RPS6KA2: variants seen among roughly 807,000 people sequenced by gnomAD.
The protein encoded by RPS6KA2 is ribosomal protein S6 kinase alpha-2.
A neutral mutation model predicts 91.8 loss-of-function variants in RPS6KA2; 42 were observed. That is an observed-to-expected ratio of 0.46 (90% confidence interval 0.36 to 0.59). The LOEUF is 0.59. Among genes scored for constraint, RPS6KA2 ranks in the 20% least tolerant of loss-of-function variants. The pLI is 0.00. For missense variants in RPS6KA2, 798 were observed against 978.5 expected (o/e 0.82, Z 2.46); for synonymous variants, 414 against 393.6 (o/e 1.05, Z -0.61).
chr6:166,721,055 G>A (rs1790157217), intron 2 of RPS6KA2, among the ~76,000 whole-genome samples: 1 of 152,178 alleles, frequency 6.6e-6, no homozygotes, highest in Admixed American at 6.5e-5. Context: ...TAACACCTGA[G>A]TTCACACAAG....
chr6:166,515,463 T>G (rs983487334), intron 3 of RPS6KA2, among the ~76,000 whole-genome samples: 2 of 152,182 alleles, frequency 1.3e-5, no homozygotes, highest in African/African-American at 4.8e-5. Flanking sequence ...CTTGAAAAAA[T>G]AGTTCCTGAT....
chr6:166,699,930 G>A (rs1402125424), intron 2 of RPS6KA2, among the ~76,000 whole-genome samples: 1 of 152,162 alleles, frequency 6.6e-6, no homozygotes, highest in African/African-American at 2.4e-5. Flanking sequence ...TGGCCACATG[G>A]AAATGTAGCC....
chr6:166,794,705 G>C (rs1374855298), intron 2 of RPS6KA2, among the ~76,000 whole-genome samples: 2 of 151,620 alleles, frequency 1.3e-5, no homozygotes, highest in Non-Finnish European at 2.9e-5. Context: ...GTCCTTTGTA[G>C]GGACATGGAT....
intron 2 of RPS6KA2, among the ~76,000 whole-genome samples, chr6:166,707,492 C>T (rs761559259): frequency 2.0e-5 from 3 of 152,102 alleles, no homozygotes; most frequent in Non-Finnish European, 2.9e-5. Flanking sequence ...GGGGAAGTGG[C>T]AGAGGAATGA....
chr6:166,851,792 A>G (rs904089752), intron 2 of RPS6KA2, among the ~76,000 whole-genome samples: 3 of 152,148 alleles, frequency 2.0e-5, no homozygotes, highest in Non-Finnish European at 2.9e-5. Flanking sequence ...AGAGCTATAC[A>G]CTGTCTTCAT....
intron 12 of RPS6KA2, among the ~76,000 whole-genome samples, chr6:166,456,937 A>C (rs2235288): frequency 0.055 from 8,316 of 152,312 alleles, 321 homozygotes; most frequent in African/African-American, 0.1. Flanking sequence ...ATTAAAATAC[A>C]ATGGAATTCT....
At chr6:166,715,564 G>A (rs1000932601) in intron 2 of RPS6KA2, among the ~76,000 whole-genome samples, 4 of 152,320 alleles carry the variant, frequency 2.6e-5, no homozygotes, top group African/African-American at 9.6e-5. Context: ...ACTTAACAAC[G>A]GGGATACGTT....
rs989596615 is a variant in RPS6KA2, at chr6:166,852,043, G to T, written c.123+6157C>A. 4.6e-5 allele frequency among the ~76,000 whole-genome samples: 7 copies of T among 152,174 alleles called. No homozygotes were observed. Among genetic ancestry groups the T allele is most frequent in the African/African-American group, 1.7e-4 (7 of 41,424 alleles). On this transcript the variant is annotated intron_variant, in intron 2 of 21. Coordinates refer to the RPS6KA2 transcript ENST00000503859. This position sits in a 1 kb window ranked among gnomAD's most constrained non-coding sequence, Gnocchi z 4.1. ...CAATGTTATTCTCACCCGCTCCACA[G>T]TGCGTCTAAACACAGATGGGCCTGC... is the stretch of plus-strand genomic sequence containing the variant.
intron 1 of RPS6KA2, among the ~76,000 whole-genome samples, chr6:166,618,716 C>T (rs562243692): frequency 1.4e-4 from 21 of 152,322 alleles, no homozygotes; most frequent in African/African-American, 4.3e-4. Context: ...GAGGGTAGGA[C>T]GAGCGTCTCA....
chr6:166,425,517 A>C (rs1778878242), intron 16 of RPS6KA2, among the ~76,000 whole-genome samples: 1 of 152,234 alleles, frequency 6.6e-6, no homozygotes, highest in African/African-American at 2.4e-5. Context: ...AATTGGATAG[A>C]GTGTCAAGAC....
At chr6:166,802,096 A>T (rs909042596) in intron 2 of RPS6KA2, among the ~76,000 whole-genome samples, 2 of 151,998 alleles carry the variant, frequency 1.3e-5, no homozygotes, top group African/African-American at 2.4e-5. Flanking sequence ...TCTCTACTAA[A>T]AATACACACA....
chr6:166,449,203 GAGCA>G (rs1779773047), intron 13 of RPS6KA2, among the ~76,000 whole-genome samples: 1 of 152,176 alleles, frequency 6.6e-6, no homozygotes, highest in African/African-American at 2.4e-5. Flanking sequence ...CCTGTGTGCA[GAGCA>G]AGACTCTGGA....
chr6:166,794,454 T>G (rs1779171513), intron 2 of RPS6KA2, among the ~76,000 whole-genome samples: 1 of 151,812 alleles, frequency 6.6e-6, no homozygotes, highest in Non-Finnish European at 1.5e-5. Flanking sequence ...TGGCGATTCC[T>G]CAGGGATCTA....
At chr6:166,824,630 T>C (rs1400311999) in intron 2 of RPS6KA2, among the ~76,000 whole-genome samples, 1 of 135,446 alleles carries the variant, frequency 7.4e-6, no homozygotes, top group Non-Finnish European at 1.6e-5. Context: ...TGTGTCTATG[T>C]GGGTGTCTGT....
intron 1 of RPS6KA2, among the ~76,000 whole-genome samples, chr6:166,615,905 A>G (rs1786392060): frequency 6.6e-6 from 1 of 152,198 alleles, no homozygotes; most frequent in African/African-American, 2.4e-5. Flanking sequence ...GATCTGCTGC[A>G]TTTGGGAGAC....
At chr6:166,734,346 A>T (rs6456117) in intron 2 of RPS6KA2, among the ~76,000 whole-genome samples, 53,005 of 151,924 alleles carry the variant, frequency 0.35, 13,232 homozygotes, top group African/African-American at 0.72. Context: ...TACTGACATG[A>T]ATTCTCAACT....
At chr6:166,545,089 T>C (rs1352878546) in intron 1 of RPS6KA2, among the ~76,000 whole-genome samples, 1 of 152,190 alleles carries the variant, frequency 6.6e-6, no homozygotes, top group Non-Finnish European at 1.5e-5. Context: ...AGATCGCAGA[T>C]AGAAGCTCTG....
intron 2 of RPS6KA2, among the ~76,000 whole-genome samples, chr6:166,685,379 A>C (rs1788981850): frequency 6.6e-6 from 1 of 152,140 alleles, no homozygotes; most frequent in African/African-American, 2.4e-5. Flanking sequence ...GGGAGGACAG[A>C]GGCTGAGAAG....
In RPS6KA2 at chr6:166,508,183, G is replaced by C; in HGVS notation, c.459+20C>G. 3 of 1,565,648 alleles carry C rather than the reference G, an allele frequency of 1.9e-6. No homozygotes were observed. Among genetic ancestry groups the C allele is most frequent in the Non-Finnish European group, 1.8e-6 (2 of 1,136,430 alleles). ...CAGAAGCTCCTGCCCGCCCTCCTGT[G>C]TGATGTGGCGGCTGCTCACCTCTTT... On this transcript the variant is annotated intron_variant, in intron 5 of 20. Transcript: ENST00000265678. The surrounding 1 kb of genome is among the most constrained non-coding windows in gnomAD (Gnocchi z 4.3).
Sources: allele counts gnomAD v4.1 joint callset (sites outside exome capture counted in the v4.1 genomes callset), GRCh38; gene constraint gnomAD v4.1.1; non-coding constraint Gnocchi (gnomAD v3.1); transcripts MANE v1.5; gene names NCBI Gene and HGNC (gene_info 2026-07-23, HGNC 2026-07-21).